UPRT: variants seen among roughly 807,000 people sequenced by gnomAD.
UPRT encodes the protein RP11-311P8.3.
A neutral mutation model predicts 22.6 loss-of-function variants in UPRT; 5 were observed. That is an observed-to-expected ratio of 0.22 (90% CI 0.12 to 0.47). UPRT has a LOEUF of 0.47. Among genes scored for constraint, UPRT ranks in the 20% least tolerant of loss-of-function variants. UPRT has a pLI of 0.99. For synonymous variants in UPRT, 77 were observed against 87.7 expected (o/e 0.88, Z 0.68); for missense variants, 181 against 239.9 (o/e 0.75, Z 1.62).
intron 6 of UPRT, 125 bp from the exon 7 acceptor site, chrX:75,303,280 T>C: frequency 2.0e-6 from 1 of 490,358 alleles, no homozygotes; most frequent in Non-Finnish European, 3.5e-6. Context: ...TCTGATTAGG[T>C]ATCCAAAGAT....
intron 3 of UPRT, among the ~76,000 whole-genome samples, chrX:75,166,396 G>A: frequency 9.0e-6 from 1 of 111,592 alleles, no homozygotes; most frequent in Admixed American, 9.6e-5. Flanking sequence ...TGTTGAGCAT[G>A]TTGTCTGTAA....
In UPRT at chrX:75,304,825, C is replaced by T. The variant is rs1392934964; in HGVS notation, c.*1314C>T. On this transcript the variant is annotated 3_prime_UTR_variant, in exon 7 of 7. Coordinates refer to ENST00000373383, the MANE Select transcript of UPRT (RefSeq NM_145052.4). ...TAGAAGAACTTCAGTATATTTTTCC[C>T]TTTATTTTTGAATACTGTCATATAA... 8.9e-6 allele frequency among the ~76,000 whole-genome samples: 1 copy of T among 111,765 alleles called. No individual in the cohort carries two copies. The highest frequency in any genetic ancestry group is 3.3e-5 in the African/African-American group (1 of 30,763).
chrX:75,232,045 G>A (rs2082440069), intron 4 of UPRT, among the ~76,000 whole-genome samples: 1 of 111,534 alleles, frequency 9.0e-6, no homozygotes, highest in South Asian at 3.8e-4. Flanking sequence ...ATCTCACTAG[G>A]GAGTGCCAGA....
At chrX:75,295,846 A>G (rs2082724144) in intron 2 of UPRT, among the ~76,000 whole-genome samples, 1 of 111,843 alleles carries the variant, frequency 8.9e-6, no homozygotes. Flanking sequence ...AGCTCAGTAA[A>G]TTGGTTCAGC....
At chrX:75,214,768 C>T (rs957841064) in intron 4 of UPRT, among the ~76,000 whole-genome samples, 1 of 111,090 alleles carries the variant, frequency 9.0e-6, no homozygotes, top group African/African-American at 3.3e-5. Context: ...AATAAATTAG[C>T]TCAGTGTGGC....
chrX:75,189,405 T>C (rs1602446436), intron 4 of UPRT, among the ~76,000 whole-genome samples: 1 of 112,113 alleles, frequency 8.9e-6, no homozygotes. Flanking sequence ...CTTCCAACTA[T>C]GTGGTCAATT....
chrX:75,274,817 T>TGTGTG, intron 1 of UPRT, 177 bp downstream of exon 1: 2 of 371,455 alleles, frequency 5.4e-6, no homozygotes, highest in South Asian at 9.5e-5. Context: ...TGTGTGTGTG[T>TGTGTG]CGTGTAACTC....
intron 4 of UPRT, among the ~76,000 whole-genome samples, chrX:75,258,239 A>AG (rs1274556065): frequency 3.7e-5 from 3 of 80,113 alleles, no homozygotes; most frequent in Non-Finnish European, 6.8e-5. Flanking sequence ...TTTTTTCCAT[A>AG]CGCCAGTAGC....
intron 3 of UPRT, among the ~76,000 whole-genome samples, chrX:75,167,241 G>T (rs1409062919): frequency 9.0e-6 from 1 of 111,708 alleles, no homozygotes; most frequent in Admixed American, 9.5e-5. Context: ...AGTAATTGGG[G>T]TATCCTCTTT....
intron 4 of UPRT, among the ~76,000 whole-genome samples, chrX:75,250,411 C>G (rs1460791243): frequency 9.0e-6 from 1 of 111,022 alleles, no homozygotes; most frequent in Non-Finnish European, 1.9e-5. Flanking sequence ...TACAAACTAC[C>G]ATGAAAGAAT....
intron 1 of UPRT, among the ~76,000 whole-genome samples, chrX:75,292,535 G>A (rs1198241730): frequency 9.0e-6 from 1 of 111,605 alleles, no homozygotes; most frequent in East Asian, 2.8e-4. Context: ...AATGCAACTT[G>A]AGGCAAAAGA....
intron 4 of UPRT, among the ~76,000 whole-genome samples, chrX:75,253,654 A>C (rs1293146005): frequency 8.9e-6 from 1 of 112,234 alleles, no homozygotes; most frequent in African/African-American, 3.2e-5. Flanking sequence ...CCACTACAGG[A>C]ATAAATCAGG....
chrX:75,233,361 T>C (rs1245775395), intron 4 of UPRT, among the ~76,000 whole-genome samples: 1 of 111,623 alleles, frequency 9.0e-6, no homozygotes, highest in Non-Finnish European at 1.9e-5. Flanking sequence ...GAAAACACTC[T>C]GCAGGATATT....
At chrX:75,173,324 A>G (rs1602436917) in intron 4 of UPRT, among the ~76,000 whole-genome samples, 1 of 110,520 alleles carries the variant, frequency 9.0e-6, no homozygotes, top group Non-Finnish European at 1.9e-5. Flanking sequence ...GAGCAGCTAG[A>G]TACAGAGTGT....
chrX:75,258,586 G>C (rs2082557066), intron 4 of UPRT, among the ~76,000 whole-genome samples: 1 of 111,924 alleles, frequency 8.9e-6, no homozygotes, highest in Admixed American at 9.5e-5. Context: ...CCTCCTCTCT[G>C]GGAAGGGCAT....
chrX:75,204,280 T>C (rs1251323696), intron 4 of UPRT, among the ~76,000 whole-genome samples: 4 of 111,411 alleles, frequency 3.6e-5, no homozygotes, highest in Non-Finnish European at 7.5e-5. Flanking sequence ...TACAGGCTGT[T>C]GGGTATATGT....
At chrX:75,183,039 A>G (rs1314105711) in intron 4 of UPRT, among the ~76,000 whole-genome samples, 1 of 109,989 alleles carries the variant, frequency 9.1e-6, no homozygotes, top group Non-Finnish European at 1.9e-5. Flanking sequence ...TATTATTATT[A>G]TACTTTAAGT....
chrX:75,301,005 T>C, intron 6 of UPRT, 40 bp downstream of exon 6: 1 of 991,733 alleles, frequency 1.0e-6, no homozygotes, highest in Non-Finnish European at 1.4e-6. Context: ...CTCCATATAG[T>C]CCTGAGGTGG....
chrX:75,273,968 C>T (rs760422404), upstream of UPRT: 49 of 278,445 alleles, frequency 1.8e-4, no homozygotes, highest in Middle Eastern at 1.0e-3. Flanking sequence ...CCTGTGGGAA[C>T]CCACGTAGCA....
Sources: allele counts gnomAD v4.1 joint callset (sites outside exome capture counted in the v4.1 genomes callset), GRCh38; gene constraint gnomAD v4.1.1; transcripts MANE v1.5; gene names NCBI Gene and HGNC (gene_info 2026-07-23, HGNC 2026-07-21).